The following HPS4 variants were observed in gnomAD, a reference collection of about 807,000 sequenced individuals.
HPS4 encodes BLOC-3 complex member HPS4.
HPS4 carries 44 observed loss-of-function variants against 70.3 expected under a neutral mutation model. The ratio of observed to expected loss-of-function variants is 0.63; its 90% CI spans 0.49 to 0.80. The LOEUF (loss-of-function observed/expected upper bound fraction) is 0.80. Ranked by LOEUF, HPS4 falls within the 30% of genes least tolerant of loss-of-function variation. The probability of loss-of-function intolerance (pLI) is 0.00; values close to 1 mark genes in which losing one functional copy is unlikely to be tolerated. For synonymous variants in HPS4, 377 were observed against 355.9 expected, an observed-to-expected ratio of 1.06 and a Z score of -0.67; for missense variants, 873 against 884.4, an observed-to-expected ratio of 0.99 and a Z score of 0.16.
chr22:26,456,030 C>T (rs2086058452), intron 13 of HPS4, among the ~76,000 whole-genome samples: 1 of 152,196 alleles, frequency 6.6e-6, no homozygotes, highest in South Asian at 2.1e-4. Context: ...GAATTAAAGC[C>T]AGAGAAGACA....
chr22:26,461,250 A>G (rs1041209066), intron 11 of HPS4, among the ~76,000 whole-genome samples: 1 of 152,130 alleles, frequency 6.6e-6, no homozygotes, highest in Non-Finnish European at 1.5e-5. Flanking sequence ...TTATGGCAAC[A>G]CTCTCACACT....
chr22:26,473,866 G>A (rs2090175373), intron 4 of HPS4, among the ~76,000 whole-genome samples: 2 of 152,162 alleles, frequency 1.3e-5, no homozygotes. Flanking sequence ...GGAATCATCA[G>A]ATATTTAAAC....
chr22:26,472,394 T>C lies in HPS4; in HGVS notation c.409A>G (p.Thr137Ala). ...YENCSQEELS[T>A]EWDTFIEQIL... ...TGCTCGATGAAGGTGTCCCACTCCG[T>C]GCTCAGTTCTTCCTGAGAACAGTTC... is the stretch of plus-strand genomic sequence containing the variant. The change falls in exon 6 of 14, where the codon ACG (threonine) becomes GCG (alanine). Residue 137 changes from threonine (T) to alanine (A), a missense_variant. Physicochemically the swap from Thr to Ala is moderately conservative, Grantham distance 58 (BLOSUM62 0). Coordinates refer to ENST00000398145, the MANE Select transcript of HPS4 (RefSeq NM_022081.6). 6.2e-7 allele frequency: 1 copy of C among 1,611,528 alleles called. No individual in the cohort carries two copies. The highest frequency in any genetic ancestry group is 8.5e-7 in the Non-Finnish European group (1 of 1,177,574).
At chr22:26,470,846 T>C (rs775452037) in intron 6 of HPS4, 33 bp from the exon 7 acceptor site, 2 of 1,613,278 alleles carry the variant, frequency 1.2e-6, no homozygotes, top group South Asian at 1.1e-5. Context: ...TGCCCACCCA[T>C]CAGCATGCTC....
intron 8 of HPS4, chr22:26,468,092 T>A (rs904856420): frequency 5.8e-6 from 1 of 172,900 alleles, no homozygotes; most frequent in Non-Finnish European, 1.3e-5. Context: ...TAAATAGAGA[T>A]GGGTTTCATC....
rs2090655222 is a variant in HPS4 at position 26,477,128 on chromosome 22, T to C, written c.141A>G (p.Leu47=). ...GTCCACAAAGCAACTCCTGTTGGTC[T>C]AGCAGGGTCTGTGGGAAAGGAGCAC... ...ICYFYPSQTL[L]DQQELLCGQI... is the part of the protein sequence containing the mutation. Residue 47 remains leucine, a synonymous_variant, in exon 4 of 14, where the codon CTA becomes CTG. Coordinates refer to ENST00000398145, the MANE Select transcript of HPS4 (RefSeq NM_022081.6). The C allele has an allele frequency of 3.1e-6, 5 of 1,614,086 alleles. No individual in the cohort carries two copies. The highest frequency in any genetic ancestry group is 4.2e-6 in the Non-Finnish European group (5 of 1,180,038).
chr22:26,461,400 C>G (rs1035832083), intron 11 of HPS4, among the ~76,000 whole-genome samples: 3 of 152,072 alleles, frequency 2.0e-5, no homozygotes, highest in Admixed American at 1.3e-4. Flanking sequence ...CTATGCTGCC[C>G]CCTGGTGTGA....
intron 13 of HPS4, among the ~76,000 whole-genome samples, chr22:26,457,389 TG>T (rs1284050633): frequency 2.6e-5 from 4 of 151,998 alleles, no homozygotes; most frequent in Non-Finnish European, 5.9e-5. Flanking sequence ...GCTAATTTTT[TG>T]TATTTTTAGT....
At chr22:26,471,066 A>C (rs768100799) in intron 6 of HPS4, 7 of 640,042 alleles carry the variant, frequency 1.1e-5, no homozygotes, top group Non-Finnish European at 1.9e-5. Flanking sequence ...AGGTGCAGCA[A>C]ATATGGCATA....
At chr22:26,477,526 G>A (rs548758800) in intron 3 of HPS4, among the ~76,000 whole-genome samples, 3 of 152,238 alleles carry the variant, frequency 2.0e-5, no homozygotes, top group Non-Finnish European at 4.4e-5. Flanking sequence ...TCCCCCATAC[G>A]GAGTGGCCAG....
At chr22:26,460,191 GAATA>G (rs1569038728) in intron 11 of HPS4, among the ~76,000 whole-genome samples, 2 of 152,206 alleles carry the variant, frequency 1.3e-5, no homozygotes, top group Admixed American at 6.5e-5. Context: ...CTAAATGAAT[GAATA>G]AATGAACACA....
chr22:26,483,855 G>C (rs34019374), upstream of HPS4: 61 of 1,323,542 alleles, frequency 4.6e-5, no homozygotes, highest in Middle Eastern at 2.8e-4. Context: ...GCGATGACGT[G>C]CCGAGTGCGC....
chr22:26,462,320 A>G (rs977556760), intron 11 of HPS4, among the ~76,000 whole-genome samples: 2 of 152,176 alleles, frequency 1.3e-5, no homozygotes, highest in Non-Finnish European at 2.9e-5. Context: ...AAGGCAGGAC[A>G]CTGACCCCCT....
chr22:26,445,910 G>A (rs1568988468), downstream of HPS4, among the ~76,000 whole-genome samples: 1 of 151,972 alleles, frequency 6.6e-6, no homozygotes, highest in Non-Finnish European at 1.5e-5. Flanking sequence ...AGGGAGACAG[G>A]GGGGTCTCCC....
rs536115151 is a variant in HPS4 at position 26,453,034 on chromosome 22, G to A, written c.*199C>T. The A allele has an allele frequency of 3.3e-6, 2 of 607,662 alleles. No homozygotes were observed. Among genetic ancestry groups the A allele is most frequent in the South Asian group, 3.9e-5 (2 of 51,256 alleles). 37.6% of individuals were successfully genotyped at this position (607,662 alleles called of 1,614,324 possible). ...TACAGTTCTTTATCAAGTGCTCTGG[G>A]TCTGCCGACCTGAAGAACTAACCCC... is the stretch of plus-strand genomic sequence containing the variant. On this transcript the variant is annotated 3_prime_UTR_variant, in exon 14 of 14. Coordinates refer to ENST00000398145, the MANE Select transcript of HPS4 (RefSeq NM_022081.6).
rs1267259237 is a variant in HPS4 at position 26,453,161 on chromosome 22, G to A, written c.*72C>T. On this transcript the variant is annotated 3_prime_UTR_variant, in exon 14 of 14. Transcript: ENST00000398145. ...GTTTTCAAGAAAAATAAAATAGAGG[G>A]GCCTTTTCAATTATAAAAGGCAGAG... The A allele has an allele frequency of 2.9e-6, 4 of 1,380,590 alleles. No homozygotes were observed. Among genetic ancestry groups the A allele is most frequent in the South Asian group, 2.4e-5 (2 of 83,890 alleles). 85.5% of individuals were successfully genotyped at this position (1,380,590 alleles called of 1,614,324 possible).
intron 8 of HPS4, 197 bp downstream of exon 8, chr22:26,468,354 C>T (rs1053722500): frequency 1.8e-5 from 11 of 623,054 alleles, no homozygotes; most frequent in Non-Finnish European, 3.2e-5. Flanking sequence ...AGGCCTAGCT[C>T]GTGGAAGAAA....
chr22:26,451,919 TACAA>T lies in HPS4; in HGVS notation c.*1310_*1313del, dbSNP rs2085234662. The T allele has an allele frequency of 5.9e-6, 1 of 169,400 alleles. No individual in the cohort carries two copies. Among genetic ancestry groups the T allele is most frequent in the Non-Finnish European group, 1.3e-5 (1 of 79,572 alleles). The allele number at this position is 169,400 out of a possible 1,614,324, so 10.5% of individuals were successfully genotyped here. ...GCAGCAGGCTGCAGCCTGGCAGCCCTACAAACAGACGGTCCTTACCCAGCCACAC... is the reference window on the plus strand; with the variant it reads ...GCAGCAGGCTGCAGCCTGGCAGCCCTACAGACGGTCCTTACCCAGCCACAC... On this transcript the variant is annotated 3_prime_UTR_variant, in exon 14 of 14. Coordinates refer to ENST00000398145, the MANE Select transcript of HPS4 (RefSeq NM_022081.6).
chr22:26,468,203 C>T (rs1047191818), intron 8 of HPS4: 1 of 340,800 alleles, frequency 2.9e-6, no homozygotes. Flanking sequence ...GTGCCCAACC[C>T]CCTAAATCTT....
Sources: gnomAD v4.1 joint callset for allele counts (sites outside exome capture counted in the v4.1 genomes callset) on GRCh38, gnomAD v4.1.1 for gene constraint, MANE v1.5 for transcripts, NCBI Gene and HGNC (gene_info 2026-07-23, HGNC 2026-07-21) for gene names.